Variants in ANO4 observed in about 807,000 individuals in gnomAD.
ANO4 encodes anoctamin 4, also known as anoctamin-4.
Under a neutral mutation model 141.9 loss-of-function variants are expected in ANO4, and 69 were observed. The observed-to-expected ratio is 0.49, with a 90% CI of 0.40 to 0.59. ANO4 has a LOEUF of 0.59. Among genes scored for constraint, ANO4 ranks in the 20% least tolerant of loss-of-function variants. The pLI, the probability that ANO4 is intolerant of heterozygous loss-of-function variation, is 0.00. For missense variants in ANO4, 894 were observed against 1,162.2 expected (o/e 0.77, Z 3.36); for synonymous variants, 350 against 394.3 (o/e 0.89, Z 1.33).
intron 3 of ANO4, among the ~76,000 whole-genome samples, chr12:100,927,510 T>C (rs2041921954): frequency 6.6e-6 from 1 of 152,074 alleles, no homozygotes; most frequent in East Asian, 1.9e-4. Context: ...TTTTAAGAGG[T>C]AAGCATTTTA....
At chr12:100,911,789 A>G (rs2041113610) in intron 2 of ANO4, among the ~76,000 whole-genome samples, 1 of 152,196 alleles carries the variant, frequency 6.6e-6, no homozygotes, top group Admixed American at 6.5e-5. Flanking sequence ...GAAGAAGGAC[A>G]GTCAAGAAAG....
At chr12:100,869,087 G>T (rs1051122034) in intron 1 of ANO4, among the ~76,000 whole-genome samples, 1 of 152,118 alleles carries the variant, frequency 6.6e-6, no homozygotes, top group Non-Finnish European at 1.5e-5. Flanking sequence ...GTAGATTACT[G>T]ATGCCACTCC....
intron 14 of ANO4, among the ~76,000 whole-genome samples, chr12:101,071,338 T>G (rs1232130220): frequency 7.3e-6 from 1 of 137,858 alleles, no homozygotes. Flanking sequence ...AGTCAGCCAT[T>G]AAAAAAAAAA....
rs559423581 is a variant in ANO4, at chr12:101,064,532, G to A, written c.1313-14661G>A. 2.6e-5 allele frequency among the ~76,000 whole-genome samples: 4 copies of A among 152,154 alleles called. No individual in the cohort carries two copies. In the East Asian group the frequency reaches 7.7e-4, roughly 29 times the overall value. ...AGACTGTTGATGGGTGGGAGGCTAGGGAAGGGATAGCATTAGGAGAAATGC... is the reference window on the plus strand; with the variant it reads ...AGACTGTTGATGGGTGGGAGGCTAGAGAAGGGATAGCATTAGGAGAAATGC... On this transcript the variant is annotated intron_variant, in intron 14 of 27. Coordinates refer to ENST00000392977, the MANE Select transcript of ANO4 (RefSeq NM_001286615.2).
At chr12:101,027,504 GC>G (rs1411047649) in intron 9 of ANO4, among the ~76,000 whole-genome samples, 2 of 152,222 alleles carry the variant, frequency 1.3e-5, no homozygotes, top group African/African-American at 4.8e-5. Flanking sequence ...ATAACTCCAG[GC>G]CATGCTTTTC....
chr12:100,726,904 TACACAC>T (rs147165877), intron 1 of ANO4, among the ~76,000 whole-genome samples: 4 of 150,848 alleles, frequency 2.7e-5, no homozygotes, highest in African/African-American at 9.8e-5. Context: ...TGGTAATTTA[TACACAC>T]ACACACACAC....
At chr12:101,035,784 A>G (rs768251128) in intron 9 of ANO4, among the ~76,000 whole-genome samples, 1 of 152,302 alleles carries the variant, frequency 6.6e-6, no homozygotes, top group Non-Finnish European at 1.5e-5. Flanking sequence ...GTTCTCACTT[A>G]TAAGTGGGAG....
intron 8 of ANO4, among the ~76,000 whole-genome samples, chr12:101,001,360 G>A (rs934485425): frequency 2.0e-5 from 3 of 152,200 alleles, no homozygotes; most frequent in Non-Finnish European, 4.4e-5. Context: ...GTGCTTCACA[G>A]GCAGGTAGAC....
At chr12:100,749,655 A>G (rs1359147559) in intron 3 of ANO4, among the ~76,000 whole-genome samples, 1 of 152,218 alleles carries the variant, frequency 6.6e-6, no homozygotes, top group Non-Finnish European at 1.5e-5. Flanking sequence ...GTAGCTATGA[A>G]GTTACTTGGG....
chr12:100,788,084 C>T (rs1197565884), intron 3 of ANO4, among the ~76,000 whole-genome samples: 1 of 152,174 alleles, frequency 6.6e-6, no homozygotes, highest in African/African-American at 2.4e-5. Context: ...TATTAGGCCT[C>T]CTCTAAGGCT....
At chr12:100,993,435 A>T (rs1201580086) in intron 8 of ANO4, among the ~76,000 whole-genome samples, 4 of 152,148 alleles carry the variant, frequency 2.6e-5, no homozygotes, top group Admixed American at 2.0e-4. Flanking sequence ...CAATTTACGG[A>T]TGAGGAAAGT....
Position 100,971,346 on chromosome 12 carries a change from A to C in ANO4, c.497A>C (p.His166Pro), listed in dbSNP as rs1029860748. 8.1e-6 allele frequency: 13 copies of C among 1,612,372 alleles called. No individual in the cohort carries two copies. The highest frequency in any genetic ancestry group is 1.0e-5 in the Non-Finnish European group (12 of 1,178,708). The change falls in exon 6 of 28, where the codon CAT becomes CCT. Residue 166 changes from histidine (H) to proline (P), a missense_variant. Around this residue, in one of 2 missense-constraint regions of ANO4, gnomAD observed 257 missense variants for 253.0 expected, o/e 1.02. Transcript: ENST00000392977. The part of the protein sequence containing the change: ...INSDIIFVKL[H>P]APWEVLGRYA... ...AGTGACATTATCTTTGTGAAGTTGCATGCCCCATGGGAAGTCCTTGGAAGA... is the reference window on the plus strand; with the variant it reads ...AGTGACATTATCTTTGTGAAGTTGCCTGCCCCATGGGAAGTCCTTGGAAGA...
intron 8 of ANO4, among the ~76,000 whole-genome samples, chr12:101,017,819 A>G (rs2046372297): frequency 6.6e-6 from 1 of 152,186 alleles, no homozygotes; most frequent in South Asian, 2.1e-4. Flanking sequence ...AAGTTCATGT[A>G]TTGAGACTGT....
At chr12:101,088,153 T>G (rs2049584554) in intron 17 of ANO4, among the ~76,000 whole-genome samples, 1 of 152,138 alleles carries the variant, frequency 6.6e-6, no homozygotes, top group Non-Finnish European at 1.5e-5. Flanking sequence ...CATCTTTTCT[T>G]TTACTCACTG....
intron 4 of ANO4, among the ~76,000 whole-genome samples, chr12:100,940,974 A>G (rs2136172766): frequency 6.6e-6 from 1 of 152,332 alleles, no homozygotes; most frequent in Non-Finnish European, 1.5e-5. Context: ...AAAGTATGAT[A>G]ATAAAATGAA....
chr12:100,815,358 A>G (rs1357778271), intron 1 of ANO4, among the ~76,000 whole-genome samples: 1 of 152,168 alleles, frequency 6.6e-6, no homozygotes, highest in Non-Finnish European at 1.5e-5. Flanking sequence ...AAGTCCTGGA[A>G]CTTGCCTTTC....
At chr12:101,058,941 G>C (rs1231323864) in intron 14 of ANO4, among the ~76,000 whole-genome samples, 1 of 152,068 alleles carries the variant, frequency 6.6e-6, no homozygotes, top group Non-Finnish European at 1.5e-5. Flanking sequence ...ATTTTGTGCT[G>C]GTTTTTGAAG....
intron 1 of ANO4, among the ~76,000 whole-genome samples, chr12:100,865,089 C>T (rs1475428654): frequency 6.6e-6 from 1 of 152,156 alleles, no homozygotes; most frequent in Non-Finnish European, 1.5e-5. Context: ...CTGCAATAAA[C>T]ATATGTGTGC....
chr12:100,968,494 G>A (rs1259560091), intron 5 of ANO4, among the ~76,000 whole-genome samples: 1 of 151,966 alleles, frequency 6.6e-6, no homozygotes, highest in Non-Finnish European at 1.5e-5. Flanking sequence ...CTTCGGTGTT[G>A]CCCAATTTTA....
Sources: allele counts gnomAD v4.1 joint callset (sites outside exome capture counted in the v4.1 genomes callset), GRCh38; gene constraint gnomAD v4.1.1; regional missense constraint gnomAD v4.1.1; transcripts MANE v1.5; gene names NCBI Gene and HGNC (gene_info 2026-07-23, HGNC 2026-07-21).